The following RAD51 variants were observed in gnomAD, a reference collection of about 807,000 sequenced individuals.
The protein encoded by RAD51 is RAD51 recombinase.
RAD51 carries 14 observed loss-of-function variants against 41.5 expected under a neutral mutation model. The ratio of observed to expected loss-of-function variants is 0.34; its 90% CI spans 0.22 to 0.53. The LOEUF (loss-of-function observed/expected upper bound fraction) is 0.53, where lower values mean the gene tolerates loss of function less well. Among genes scored for constraint, RAD51 ranks in the 20% least tolerant of loss-of-function variants. The pLI is 0.95. For synonymous variants in RAD51, 136 were observed against 148.6 expected, an observed-to-expected ratio of 0.92 and a Z score of 0.62; for missense variants, 234 against 422.0, an observed-to-expected ratio of 0.55 and a Z score of 3.90.
intron 4 of RAD51, among the ~76,000 whole-genome samples, chr15:40,708,323 G>A (rs1895487525): frequency 6.7e-6 from 1 of 149,218 alleles, no homozygotes; most frequent in Admixed American, 6.7e-5. Flanking sequence ...CCGCCTCCCA[G>A]GTTCAAGTGA....
At chr15:40,701,645 C>T (rs1017119972) in intron 3 of RAD51, among the ~76,000 whole-genome samples, 5 of 151,724 alleles carry the variant, frequency 3.3e-5, no homozygotes, top group Admixed American at 1.3e-4. Flanking sequence ...ATTTTTCTAG[C>T]TTCATATAGT....
intron 4 of RAD51, among the ~76,000 whole-genome samples, chr15:40,708,456 G>C: frequency 6.6e-6 from 1 of 151,764 alleles, no homozygotes; most frequent in Non-Finnish European, 1.5e-5. Context: ...TCGAGCTCCT[G>C]ACCTCAGGTG....
At chr15:40,706,451 C>T (rs1034261551) in intron 4 of RAD51, among the ~76,000 whole-genome samples, 157 bp downstream of exon 4, 13 of 152,236 alleles carry the variant, frequency 8.5e-5, no homozygotes, top group South Asian at 4.1e-4. Flanking sequence ...AATCTCAGCA[C>T]TTTGGGAGGC....
At chr15:40,716,153 C>T (rs887284509) in intron 5 of RAD51, among the ~76,000 whole-genome samples, 8 of 152,248 alleles carry the variant, frequency 5.3e-5, no homozygotes, top group Middle Eastern at 3.4e-3. Context: ...CCGTGCTAAA[C>T]GCTTTACATG....
intron 6 of RAD51, among the ~76,000 whole-genome samples, chr15:40,724,888 A>ATT (rs1896490836): frequency 1.6e-5 from 1 of 63,766 alleles, no homozygotes; most frequent in African/African-American, 7.0e-5. Context: ...AATTTTTTTT[A>ATT]ATTTTTTTTT....
intron 2 of RAD51, among the ~76,000 whole-genome samples, chr15:40,699,987 A>G (rs1265056653): frequency 6.6e-6 from 1 of 152,234 alleles, no homozygotes; most frequent in Admixed American, 6.5e-5. Flanking sequence ...ATAAAAAAAA[A>G]AGACTCTAGA....
intron 5 of RAD51, among the ~76,000 whole-genome samples, chr15:40,718,580 A>G (rs947556151): frequency 6.6e-6 from 1 of 152,102 alleles, no homozygotes; most frequent in African/African-American, 2.4e-5. Context: ...TAAGCAGTCC[A>G]GTTCTGACAG....
intron 6 of RAD51, among the ~76,000 whole-genome samples, chr15:40,726,895 A>C (rs1358640409): frequency 6.9e-6 from 1 of 145,476 alleles, no homozygotes; most frequent in Non-Finnish European, 1.5e-5. Flanking sequence ...CCTGGGCGAC[A>C]GAGTGAGACT....
Position 40,731,147 on chromosome 15 carries a change from A to G in RAD51, c.989A>G (p.Asn330Ser). ...GAAGCTGAAGCTATGTTCGCCATTA[A>G]TGCAGATGGAGTGGGAGATGCCAAA... ...LPEAEAMFAI[N>S]ADGVGDAKD The change falls in exon 10 of 10, where the codon AAT (asparagine) becomes AGT (serine). Residue 330 changes from asparagine (N) to serine (S), a missense_variant. Transcript: ENST00000267868. 6.2e-7 allele frequency: 1 copy of G among 1,614,122 alleles called. No homozygotes were observed. The highest frequency in any genetic ancestry group is 8.5e-7 in the Non-Finnish European group (1 of 1,180,006).
chr15:40,703,355 C>G (rs188927168), intron 3 of RAD51, among the ~76,000 whole-genome samples: 1 of 152,068 alleles, frequency 6.6e-6, no homozygotes, highest in African/African-American at 2.4e-5. Context: ...GGATTACAGG[C>G]GTGAGCCACT....
chr15:40,710,869 T>C (rs1422023143), intron 5 of RAD51, among the ~76,000 whole-genome samples: 1 of 152,192 alleles, frequency 6.6e-6, no homozygotes, highest in East Asian at 1.9e-4. Flanking sequence ...CTCCTTCCAT[T>C]TTCTCTTGTA....
rs768856622 is a variant in RAD51 at position 40,731,183 on chromosome 15, T to C, written c.*5T>C. On this transcript the variant is annotated 3_prime_UTR_variant, in exon 10 of 10. Coordinates refer to ENST00000267868, the MANE Select transcript of RAD51 (RefSeq NM_002875.5). Reference sequence around the variant, plus strand: ...GTGGGAGATGCCAAAGACTGAATCATTGGGTTTTTCCTCTGTTAAAAACCT... The same window carrying C: ...GTGGGAGATGCCAAAGACTGAATCACTGGGTTTTTCCTCTGTTAAAAACCT... 18 of 1,613,888 alleles carry C rather than the reference T, an allele frequency of 1.1e-5. No homozygotes were observed. Among genetic ancestry groups the C allele is most frequent in the Middle Eastern group, 1.6e-4 (1 of 6,084 alleles).
intron 2 of RAD51, among the ~76,000 whole-genome samples, 183 bp from the exon 3 acceptor site, chr15:40,700,881 A>G (rs577893622): frequency 2.6e-5 from 4 of 152,256 alleles, no homozygotes; most frequent in Non-Finnish European, 5.9e-5. Context: ...GCATTGTTGG[A>G]TTTTGTTATC....
At position 40,701,327 on chromosome 15, in the gene RAD51, G is replaced by A; in HGVS notation, c.225+126G>A. On this transcript the variant is annotated intron_variant, in intron 3 of 9. Transcript: ENST00000267868. Reference sequence around the variant, plus strand: ...CTCATTATCCTTTCCAGGGGTGACTGTTACCTGTTTCTTTTCTTCTTTTCT... The same window carrying A: ...CTCATTATCCTTTCCAGGGGTGACTATTACCTGTTTCTTTTCTTCTTTTCT... 3.1e-6 allele frequency: 3 copies of A among 955,474 alleles called. No individual in the cohort carries two copies. In the South Asian group the frequency reaches 4.8e-5, roughly 15 times the overall value. 59.2% of individuals were successfully genotyped at this position (955,474 alleles called of 1,614,324 possible). A position where few individuals can be genotyped will look rare whatever the true frequency, so the allele number is the denominator to read the frequency against.
rs1896884468 is a variant in RAD51, at chr15:40,731,719, T to C, written c.*541T>C. ...TCTTGTGCCAAACCTACTAGGCCAT[T>C]AGCCCTTCACCATCTACCTGCTTGG... is the stretch of plus-strand genomic sequence containing the variant. On this transcript the variant is annotated 3_prime_UTR_variant, in exon 10 of 10. Transcript: ENST00000267868. 1 of 227,896 alleles carries C rather than the reference T, an allele frequency of 4.4e-6. No individual in the cohort carries two copies. 14.1% of individuals were successfully genotyped at this position (227,896 alleles called of 1,614,324 possible).
chr15:40,711,874 A>C (rs1220769631), intron 5 of RAD51, among the ~76,000 whole-genome samples: 4 of 152,138 alleles, frequency 2.6e-5, no homozygotes, highest in African/African-American at 7.2e-5. Context: ...CAGGAGTTTG[A>C]GACCAGCCTG....
At position 40,732,291 on chromosome 15, in the gene RAD51, C is replaced by G. The variant is rs45585734; in HGVS notation, c.*1113C>G. 0.085 allele frequency: 14,844 copies of G among 174,548 alleles called. 665 individuals carry two copies. Among genetic ancestry groups the G allele is most frequent in the South Asian group, 0.12 (596 of 4,974 alleles). 10.8% of individuals were successfully genotyped at this position (174,548 alleles called of 1,614,324 possible). On this transcript the variant is annotated 3_prime_UTR_variant, in exon 10 of 10. Coordinates refer to ENST00000267868, the MANE Select transcript of RAD51 (RefSeq NM_002875.5). Reference sequence around the variant, plus strand: ...AAACCAGAAAGGAAAGTCCCACTTGCAGATGATTGTGCTTAAAAGCTAATG... The same window carrying G: ...AAACCAGAAAGGAAAGTCCCACTTGGAGATGATTGTGCTTAAAAGCTAATG...
chr15:40,706,270 A>G lies in RAD51; in HGVS notation c.319A>G (p.Lys107Glu). Reference sequence around the variant, plus strand: ...GATCATACAGATTACTACTGGCTCCAAAGAGCTTGACAAACTACTTCAAGG... The same window carrying G: ...GATCATACAGATTACTACTGGCTCCGAAGAGCTTGACAAACTACTTCAAGG... The part of the protein sequence containing the change: ...SEIIQITTGS[K>E]ELDKLLQGGI... Residue 107 changes from lysine (K) to glutamate (E), a missense_variant, in exon 4 of 10, where the codon AAA (lysine) becomes GAA (glutamate). Physicochemically the swap from Lys to Glu is moderately conservative, Grantham distance 56. This residue lies in a region of RAD51 where 100 missense variants were observed against 135.5 expected (regional missense o/e 0.74). Transcript: ENST00000267868. 6.2e-7 allele frequency: 1 copy of G among 1,612,986 alleles called. No individual in the cohort carries two copies. The highest frequency in any genetic ancestry group is 8.5e-7 in the Non-Finnish European group (1 of 1,178,928).
chr15:40,720,315 C>G (rs767071990), intron 6 of RAD51, among the ~76,000 whole-genome samples: 1 of 152,038 alleles, frequency 6.6e-6, no homozygotes, highest in Admixed American at 6.6e-5. Flanking sequence ...AACCTGACCT[C>G]AAGTGATCTG....
Sources: gnomAD v4.1 joint callset for allele counts (sites outside exome capture counted in the v4.1 genomes callset) on GRCh38, gnomAD v4.1.1 for gene constraint, gnomAD v4.1.1 regional missense constraint, MANE v1.5 for transcripts, NCBI Gene and HGNC (gene_info 2026-07-23, HGNC 2026-07-21) for gene names.